Variants in PLCE1 observed in about 807,000 individuals in gnomAD.
The protein encoded by PLCE1 is 1-phosphatidylinositol 4,5-bisphosphate phosphodiesterase epsilon-1.
A neutral mutation model predicts 242.8 loss-of-function variants in PLCE1; 119 were observed. The observed-to-expected ratio is 0.49, with a 90% CI of 0.42 to 0.57. The LOEUF is 0.57. Among genes scored for constraint, PLCE1 ranks in the 20% least tolerant of loss-of-function variants. PLCE1 has a pLI of 0.00. For synonymous variants in PLCE1, 945 were observed against 1,017.4 expected (o/e 0.93, Z 1.35); for missense variants, 2,441 against 2,788.8 (o/e 0.88, Z 2.81).
chr10:94,322,968 A>G (rs972743156), intron 30 of PLCE1, among the ~76,000 whole-genome samples: 7 of 152,132 alleles, frequency 4.6e-5, no homozygotes, highest in African/African-American at 1.4e-4. Flanking sequence ...AACAAAAACA[A>G]ATTTTAAAAG....
At chr10:94,035,122 C>G (rs1589890318) in intron 2 of PLCE1, among the ~76,000 whole-genome samples, 1 of 152,302 alleles carries the variant, frequency 6.6e-6, no homozygotes, top group East Asian at 1.9e-4. Context: ...ATCTCCCTGC[C>G]ATGAAACTGC....
intron 30 of PLCE1, among the ~76,000 whole-genome samples, chr10:94,324,121 G>GAGGAATTCAGACGA (rs2053924869): frequency 6.6e-6 from 1 of 152,162 alleles, no homozygotes; most frequent in Non-Finnish European, 1.5e-5. Flanking sequence ...TGAAATTCAG[G>GAGGAATTCAGACGA]ATAATAACAC....
chr10:94,287,632 A>G (rs898355867), intron 22 of PLCE1, among the ~76,000 whole-genome samples: 12 of 152,026 alleles, frequency 7.9e-5, no homozygotes, highest in African/African-American at 2.9e-4. Flanking sequence ...GCACCACACT[A>G]TGGAAGTAGT....
chr10:94,331,283 T>C lies in PLCE1; in HGVS notation c.*3340T>C, dbSNP rs903692588. 1 of 152,196 alleles carries C rather than the reference T, an allele frequency of 6.6e-6. No individual in the cohort carries two copies. The highest frequency in any genetic ancestry group is 1.5e-5 in the Non-Finnish European group (1 of 68,030). The allele number at this position is 152,196 out of a possible 1,614,324, so 9.4% of individuals were successfully genotyped here. On this transcript the variant is annotated 3_prime_UTR_variant, in exon 33 of 33. Transcript: ENST00000371380. ...GACACTGGAAGCTCATTAATGAAAG[T>C]GGGCCCTCTATGATATGTATCAATT...
intron 1 of PLCE1, among the ~76,000 whole-genome samples, chr10:94,000,722 G>T (rs1286561423): frequency 1.3e-5 from 2 of 152,178 alleles, no homozygotes; most frequent in African/African-American, 4.8e-5. Flanking sequence ...CTCCCCAGCT[G>T]CCACTGAAAT....
At chr10:94,138,571 G>C in intron 3 of PLCE1, 1 of 461,496 alleles carries the variant, frequency 2.2e-6, no homozygotes, top group South Asian at 1.8e-5. Context: ...GATCAGTTAG[G>C]TTGCTTCAAT....
At chr10:94,124,389 A>T (rs1265404668) in intron 2 of PLCE1, among the ~76,000 whole-genome samples, 1 of 151,478 alleles carries the variant, frequency 6.6e-6, no homozygotes, top group East Asian at 1.9e-4. Flanking sequence ...GAGAAAAAAA[A>T]AAAAAAAAAG....
chr10:94,154,182 A>G (rs1461101985), intron 3 of PLCE1, among the ~76,000 whole-genome samples: 1 of 152,214 alleles, frequency 6.6e-6, no homozygotes, highest in Non-Finnish European at 1.5e-5. Context: ...ATATGGTCAA[A>G]TAATTTTCAA....
chr10:94,025,901 A>C (rs1211354181), intron 1 of PLCE1, among the ~76,000 whole-genome samples: 1 of 152,238 alleles, frequency 6.6e-6, no homozygotes, highest in Non-Finnish European at 1.5e-5. Context: ...TTCTGTAAAG[A>C]GCCAGATGGC....
At chr10:94,058,684 G>A (rs1037192879) in intron 2 of PLCE1, among the ~76,000 whole-genome samples, 1 of 152,092 alleles carries the variant, frequency 6.6e-6, no homozygotes, top group African/African-American at 2.4e-5. Flanking sequence ...GTGTCCTAGA[G>A]CAAATCACCT....
At chr10:94,134,903 C>T (rs941383826) in intron 3 of PLCE1, among the ~76,000 whole-genome samples, 10 of 152,158 alleles carry the variant, frequency 6.6e-5, no homozygotes, top group Non-Finnish European at 1.3e-4. Context: ...CTTTGAAGCT[C>T]TTTGGTGATT....
intron 32 of PLCE1, among the ~76,000 whole-genome samples, chr10:94,327,087 G>A (rs911897007): frequency 1.4e-4 from 21 of 150,754 alleles, no homozygotes; most frequent in Non-Finnish European, 1.3e-4. Context: ...GCTTGAACCC[G>A]GGAGACGGAG....
intron 3 of PLCE1, among the ~76,000 whole-genome samples, chr10:94,146,300 C>A (rs1033635046): frequency 2.0e-5 from 3 of 152,110 alleles, no homozygotes; most frequent in Non-Finnish European, 4.4e-5. Context: ...AGTAAAAGGA[C>A]TAGTCTTGAA....
intron 7 of PLCE1, among the ~76,000 whole-genome samples, chr10:94,244,552 C>T (rs778108114): frequency 5.3e-5 from 8 of 152,186 alleles, no homozygotes; most frequent in South Asian, 2.1e-4. Flanking sequence ...GCGGAGGGAA[C>T]GTGCTAAATT....
At chr10:94,156,526 A>G (rs1367531123) in intron 3 of PLCE1, among the ~76,000 whole-genome samples, 1 of 152,220 alleles carries the variant, frequency 6.6e-6, no homozygotes, top group African/African-American at 2.4e-5. Flanking sequence ...CGTGTGGGGA[A>G]GGAAGTGTGG....
chr10:94,223,377 G>T (rs2049829162), intron 4 of PLCE1, among the ~76,000 whole-genome samples: 1 of 152,092 alleles, frequency 6.6e-6, no homozygotes, highest in South Asian at 2.1e-4. Context: ...GAGGTGATTG[G>T]AGAATGGACA....
intron 28 of PLCE1, 61 bp downstream of exon 28, chr10:94,313,443 G>C (rs1156402520): frequency 1.3e-6 from 2 of 1,583,016 alleles, no homozygotes; most frequent in African/African-American, 1.3e-5. Flanking sequence ...ATGTATGTGT[G>C]TGTATAAATG....
chr10:94,149,016 C>T (rs554918306), intron 3 of PLCE1, among the ~76,000 whole-genome samples: 82 of 152,312 alleles, frequency 5.4e-4, no homozygotes, highest in Non-Finnish European at 8.8e-4. Flanking sequence ...CCTGTTCATT[C>T]CACTCTACCT....
intron 1 of PLCE1, among the ~76,000 whole-genome samples, chr10:93,996,421 A>T (rs1347882939): frequency 6.6e-5 from 10 of 152,222 alleles, no homozygotes; most frequent in Non-Finnish European, 1.3e-4. Flanking sequence ...TGATTAGGAA[A>T]CATGGTGCTT....
Sources: allele counts gnomAD v4.1 joint callset (sites outside exome capture counted in the v4.1 genomes callset), GRCh38; gene constraint gnomAD v4.1.1; transcripts MANE v1.5; gene names NCBI Gene and HGNC (gene_info 2026-07-23, HGNC 2026-07-21).